The following PIEZO1 variants were observed in gnomAD, a reference collection of about 807,000 sequenced individuals.
The protein encoded by PIEZO1 is piezo-type mechanosensitive ion channel component 1.
Under a neutral mutation model 297.2 loss-of-function variants are expected in PIEZO1, and 296 were observed. The observed-to-expected ratio is 1.00, with a 90% CI of 0.91 to 1.10. PIEZO1 has a LOEUF of 1.10. Ranked by LOEUF, PIEZO1 falls within the 50% of genes least tolerant of loss-of-function variation. The pLI, the probability that PIEZO1 is intolerant of heterozygous loss-of-function variation, is 0.00. For synonymous variants in PIEZO1, 2,427 were observed against 1,507.5 expected, an observed-to-expected ratio of 1.61 and a Z score of -14.13; for missense variants, 5,018 against 3,455.5, an observed-to-expected ratio of 1.45 and a Z score of -11.34.
At chr16:88,730,597 C>CA (rs59142015) in intron 22 of PIEZO1, among the ~76,000 whole-genome samples, 1,605 of 83,840 alleles carry the variant, frequency 0.019, 30 homozygotes, top group African/African-American at 0.059. Flanking sequence ...GACTCCATCT[C>CA]AAAAAAAAAA....
intron 1 of PIEZO1, among the ~76,000 whole-genome samples, chr16:88,758,593 G>A (rs1906781967): frequency 6.6e-6 from 1 of 152,226 alleles, no homozygotes; most frequent in Admixed American, 6.5e-5. Context: ...CACAGCAGAT[G>A]CAGGAACAGC....
At position 88,715,577 on chromosome 16, in the gene PIEZO1, C is replaced by T. The variant is rs1201684355; in HGVS notation, c.*28G>A. 1.3e-6 allele frequency: 2 copies of T among 1,544,158 alleles called. No individual in the cohort carries two copies. The highest frequency in any genetic ancestry group is 8.7e-7 in the Non-Finnish European group (1 of 1,144,300). ...GCCACGCTGCCCAGCAGGCCGGCTCCTTCCCTCTCGGGCGCCAGCAGCAGC... is the reference window on the plus strand; with the variant it reads ...GCCACGCTGCCCAGCAGGCCGGCTCTTTCCCTCTCGGGCGCCAGCAGCAGC... On this transcript the variant is annotated 3_prime_UTR_variant, in exon 51 of 51. Transcript: ENST00000301015.
intron 30 of PIEZO1, among the ~76,000 whole-genome samples, chr16:88,724,605 G>A (rs1278406416): frequency 4.6e-5 from 7 of 151,950 alleles, no homozygotes; most frequent in Non-Finnish European, 1.5e-5. Flanking sequence ...GAGGCAGGAG[G>A]ATCACTTGAA....
chr16:88,719,401 C>G (rs575046366), intron 44 of PIEZO1, 173 bp downstream of exon 44: 150 of 627,604 alleles, frequency 2.4e-4, no homozygotes, highest in Non-Finnish European at 3.3e-4. Flanking sequence ...TCGCAGCTGC[C>G]AAGATCACTG....
At chr16:88,754,605 C>CAG (rs1417136468) in intron 1 of PIEZO1, among the ~76,000 whole-genome samples, 2 of 152,220 alleles carry the variant, frequency 1.3e-5, no homozygotes, top group African/African-American at 2.4e-5. Flanking sequence ...AGGACTGTCA[C>CAG]AGGGAGGGCT....
chr16:88,726,353 C>G lies in PIEZO1; in HGVS notation c.3899G>C (p.Arg1300Pro). Residue 1300 changes from arginine (R) to proline (P), a missense_variant, in exon 27 of 51, where the codon CGC (arginine) becomes CCC (proline). Arg to Pro is a moderately radical substitution (Grantham distance 103). Transcript: ENST00000301015. ...VCFFFLLLQR[R>P]VFLSHYYLHV... ...CAGGTAGTAATGGCTAAGGAAGACG[C>G]GGCGCTGCAGCAGCAGGAAGAAGAA... is the stretch of plus-strand genomic sequence containing the variant. 6.4e-7 allele frequency: 1 copy of G among 1,550,390 alleles called. No homozygotes were observed. The highest frequency in any genetic ancestry group is 8.7e-7 in the Non-Finnish European group (1 of 1,146,928).
At chr16:88,749,170 G>A (rs1393066045) in intron 2 of PIEZO1, among the ~76,000 whole-genome samples, 1 of 151,910 alleles carries the variant, frequency 6.6e-6, no homozygotes, top group African/African-American at 2.4e-5. Flanking sequence ...AACCTGGGAG[G>A]CGAAGCCTGC....
intron 1 of PIEZO1, among the ~76,000 whole-genome samples, chr16:88,766,905 T>C (rs1449596634): frequency 6.6e-6 from 1 of 152,172 alleles, no homozygotes; most frequent in Admixed American, 6.5e-5. Flanking sequence ...TGGGCCTCAG[T>C]TTCCCCTTTC....
At chr16:88,734,312 A>G in intron 16 of PIEZO1, 44 bp downstream of exon 16, 1 of 1,447,382 alleles carries the variant, frequency 6.9e-7, no homozygotes, top group Middle Eastern at 2.3e-4. Context: ...CTGGCCCAGG[A>G]GGCTACACCT....
At position 88,742,356 on chromosome 16, in the gene PIEZO1, G is replaced by C; in HGVS notation, c.227C>G (p.Ala76Gly). Residue 76 changes from alanine (A) to glycine (G), a missense_variant, in exon 3 of 51, where the codon GCC becomes GGC. Coordinates refer to ENST00000301015, the MANE Select transcript of PIEZO1 (RefSeq NM_001142864.4). ...LSLLFLVAHL[A>G]LQICLHIVPR... Reference sequence around the variant, plus strand: ...CACAATATGCAGGCAGATCTGGAGGGCGAGATGGGCCACCAGGAAGAGCAG... The same window carrying C: ...CACAATATGCAGGCAGATCTGGAGGCCGAGATGGGCCACCAGGAAGAGCAG... 6.5e-7 allele frequency: 1 copy of C among 1,535,414 alleles called. No homozygotes were observed. Among genetic ancestry groups the C allele is most frequent in the Non-Finnish European group, 8.7e-7 (1 of 1,146,604 alleles).
intron 19 of PIEZO1, 88 bp from the exon 20 acceptor site, chr16:88,732,820 GC>G (rs1904955240): frequency 7.5e-7 from 1 of 1,331,784 alleles, no homozygotes; most frequent in Non-Finnish European, 1.0e-6. Context: ...CAGCTCTGGG[GC>G]AGGTCCACTG....
intron 1 of PIEZO1, among the ~76,000 whole-genome samples, chr16:88,753,323 G>GAGCACACCTGCCACCCCCA (rs1597474773): frequency 1.4e-5 from 1 of 71,442 alleles, no homozygotes; most frequent in Non-Finnish European, 2.7e-5. Flanking sequence ...TCCCGCCCCC[G>GAGCACACCTGCCACCCCCA]GAGCACACCT....
chr16:88,769,732 G>A (rs1007343921), intron 1 of PIEZO1, among the ~76,000 whole-genome samples: 1 of 151,922 alleles, frequency 6.6e-6, no homozygotes, highest in Admixed American at 6.5e-5. Flanking sequence ...GTCTGGGGCT[G>A]AGGCTCAAAC....
At chr16:88,726,090 A>G in intron 27 of PIEZO1, 194 bp downstream of exon 27, 2 of 601,230 alleles carry the variant, frequency 3.3e-6, no homozygotes, top group South Asian at 4.0e-5. Context: ...TCTCTGACAG[A>G]CCCAGCACTG....
At chr16:88,726,109 T>A in intron 27 of PIEZO1, 175 bp downstream of exon 27, 1 of 610,026 alleles carries the variant, frequency 1.6e-6, no homozygotes. Flanking sequence ...TGGGGCAGAG[T>A]GTGATGGTGC....
intron 1 of PIEZO1, among the ~76,000 whole-genome samples, chr16:88,781,788 G>A (rs1907950295): frequency 6.6e-6 from 1 of 152,276 alleles, no homozygotes. Flanking sequence ...CTTCTCGGCC[G>A]CCTCCCAGGA....
intron 27 of PIEZO1, chr16:88,726,059 C>T (rs1026513670): frequency 3.1e-5 from 18 of 581,318 alleles, no homozygotes; most frequent in East Asian, 5.7e-5. Context: ...CACCAGCCAC[C>T]GTCAGCACTG....
At position 88,733,576 on chromosome 16, in the gene PIEZO1, T is replaced by C. The variant is rs1343454422; in HGVS notation, c.2487+12A>G. 1.3e-6 allele frequency: 2 copies of C among 1,534,808 alleles called. No individual in the cohort carries two copies. ...ACCCCAGATGGGAAGCTGAGTTGCC[T>C]GCCACACTCACCTCCTTCAGGGCCA... is the stretch of plus-strand genomic sequence containing the variant. On this transcript the variant is annotated intron_variant, in intron 18 of 50. Transcript: ENST00000301015.
chr16:88,725,083 G>A lies in PIEZO1; in HGVS notation c.4163-3C>T, dbSNP rs1315355781. On this transcript the variant is annotated splice_region_variant and splice_polypyrimidine_tract_variant and intron_variant, in intron 29 of 50. Transcript: ENST00000301015. Reference sequence around the variant, plus strand: ...GGAGCCCCCTGGACTGTCGGGCCCTGTGGAGGGGCAGGGTGAGCATGAGGC... The same window carrying A: ...GGAGCCCCCTGGACTGTCGGGCCCTATGGAGGGGCAGGGTGAGCATGAGGC... 2.6e-6 allele frequency: 4 copies of A among 1,511,032 alleles called. No homozygotes were observed. The Admixed American group carries it at 9.5e-5, about 36-fold the overall frequency. 93.6% of individuals were successfully genotyped at this position (1,511,032 alleles called of 1,614,324 possible). A position where few individuals can be genotyped will look rare whatever the true frequency, so the allele number is the denominator to read the frequency against.
Sources: gnomAD v4.1 joint callset for allele counts (sites outside exome capture counted in the v4.1 genomes callset) on GRCh38, gnomAD v4.1.1 for gene constraint, MANE v1.5 for transcripts, NCBI Gene and HGNC (gene_info 2026-07-23, HGNC 2026-07-21) for gene names.